Variants in GRB14 observed in about 807,000 individuals in gnomAD.
GRB14 encodes growth factor receptor-bound protein 14.
In GRB14, 38 loss-of-function variants were observed where a neutral mutation model predicts 69.1. The observed-to-expected ratio is 0.55, with a 90% CI of 0.42 to 0.72. GRB14 has a LOEUF of 0.72. Among genes scored for constraint, GRB14 ranks in the 30% least tolerant of loss-of-function variants. GRB14 has a pLI of 0.00. For missense variants in GRB14, 666 were observed against 666.1 expected (o/e 1.00, Z 0.00); for synonymous variants, 247 against 241.3 (o/e 1.02, Z -0.22).
intron 2 of GRB14, among the ~76,000 whole-genome samples, chr2:164,596,364 A>T (rs943084316): frequency 1.3e-5 from 2 of 152,206 alleles, no homozygotes; most frequent in African/African-American, 4.8e-5. Flanking sequence ...TTGTTCCTAA[A>T]ATATTTGTGC....
chr2:164,532,170 C>G (rs1687958355), intron 3 of GRB14, among the ~76,000 whole-genome samples: 2 of 152,158 alleles, frequency 1.3e-5, no homozygotes, highest in African/African-American at 4.8e-5. Context: ...TTCAACTGAA[C>G]ACATTTCAAA....
chr2:164,575,298 T>A (rs750545356), intron 2 of GRB14, among the ~76,000 whole-genome samples: 1 of 152,204 alleles, frequency 6.6e-6, no homozygotes, highest in Middle Eastern at 3.2e-3. Flanking sequence ...CTTGTTTTCA[T>A]AGGATCTTCT....
intron 2 of GRB14, among the ~76,000 whole-genome samples, chr2:164,550,339 C>T (rs888753800): frequency 6.6e-6 from 1 of 152,178 alleles, no homozygotes; most frequent in Non-Finnish European, 1.5e-5. Flanking sequence ...AGACGCCTAA[C>T]TATGAAAACC....
At chr2:164,601,542 T>C (rs1251946382) in intron 2 of GRB14, among the ~76,000 whole-genome samples, 2 of 152,142 alleles carry the variant, frequency 1.3e-5, no homozygotes, top group Non-Finnish European at 2.9e-5. Flanking sequence ...AATCTGAAAA[T>C]CTGGGTTCAA....
At position 164,497,483 on chromosome 2, in the gene GRB14, A is replaced by G. The variant is rs1474995613; in HGVS notation, c.1112T>C (p.Ile371Thr). Residue 371 changes from isoleucine to threonine, a missense_variant, in exon 10 of 14, where the codon ATA (isoleucine) becomes ACA (threonine). Physicochemically the swap from Ile to Thr is moderately conservative, Grantham distance 89. Coordinates refer to ENST00000263915, the MANE Select transcript of GRB14 (RefSeq NM_004490.3). Reference protein sequence around the residue: ...SSQSISPMRSISENSLVAMDF... With the variant: ...SSQSISPMRSTSENSLVAMDF... Reference sequence around the variant, plus strand: ...CATTGCTACCAGGGAATTCTCTGATATACTTCTCTGGAAAAAAGAAACACA... The same window carrying G: ...CATTGCTACCAGGGAATTCTCTGATGTACTTCTCTGGAAAAAAGAAACACA... The G allele has an allele frequency of 6.3e-7, 1 of 1,580,914 alleles. No homozygotes were observed. The highest frequency in any genetic ancestry group is 8.6e-7 in the Non-Finnish European group (1 of 1,157,986).
intron 2 of GRB14, among the ~76,000 whole-genome samples, chr2:164,617,940 C>G (rs1690339312): frequency 8.5e-6 from 1 of 118,134 alleles, no homozygotes; most frequent in East Asian, 2.5e-4. Context: ...GGCTCAAGGA[C>G]AAGCCAGAAT....
intron 3 of GRB14, among the ~76,000 whole-genome samples, chr2:164,540,918 G>A (rs977849283): frequency 4.6e-5 from 7 of 152,110 alleles, no homozygotes; most frequent in African/African-American, 1.7e-4. Context: ...GATTTTTGTG[G>A]AATCTGTAAA....
intron 3 of GRB14, among the ~76,000 whole-genome samples, chr2:164,540,132 C>G (rs1451356733): frequency 6.6e-6 from 1 of 152,194 alleles, no homozygotes; most frequent in Non-Finnish European, 1.5e-5. Context: ...TGACTCCACT[C>G]CAGGTGCAAT....
At chr2:164,506,483 T>C (rs1037721171) in intron 8 of GRB14, among the ~76,000 whole-genome samples, 6 of 152,126 alleles carry the variant, frequency 3.9e-5, no homozygotes, top group African/African-American at 1.4e-4. Context: ...TATGAAGAAA[T>C]TGGAACTCTC....
chr2:164,501,051 CATT>C (rs1189377351), intron 9 of GRB14, among the ~76,000 whole-genome samples: 2 of 151,922 alleles, frequency 1.3e-5, no homozygotes, highest in African/African-American at 2.4e-5. Flanking sequence ...TAATAAAATT[CATT>C]ATTATTTTTA....
chr2:164,503,185 AAAG>A (rs1687104705), intron 8 of GRB14, among the ~76,000 whole-genome samples: 1 of 150,878 alleles, frequency 6.6e-6, no homozygotes, highest in Non-Finnish European at 1.5e-5. Context: ...AAAAAAAAAA[AAAG>A]AAAAGAAAAA....
chr2:164,512,214 T>C (rs1687357557), intron 6 of GRB14, among the ~76,000 whole-genome samples: 2 of 152,214 alleles, frequency 1.3e-5, no homozygotes, highest in African/African-American at 4.8e-5. Flanking sequence ...TTGCCCAGGC[T>C]GGAGGGCAAT....
At chr2:164,526,123 T>G (rs570780366) in intron 4 of GRB14, among the ~76,000 whole-genome samples, 1 of 152,286 alleles carries the variant, frequency 6.6e-6, no homozygotes, top group South Asian at 2.1e-4. Flanking sequence ...TTATTATGAC[T>G]AATTTTCTTT....
chr2:164,493,501 A>AT (rs1686813405), intron 13 of GRB14, among the ~76,000 whole-genome samples: 1 of 152,324 alleles, frequency 6.6e-6, no homozygotes, highest in African/African-American at 2.4e-5. Context: ...GTAAATGAAG[A>AT]TTTTAATGCT....
Position 164,493,317 on chromosome 2 carries a change from G to A in GRB14, c.1477-135C>T, listed in dbSNP as rs557175502. The A allele has an allele frequency of 5.6e-5, 39 of 700,332 alleles. 1 individual carries two copies. Among genetic ancestry groups the A allele is most frequent in the South Asian group, 4.3e-4 (20 of 46,188 alleles). 43.4% of individuals were successfully genotyped at this position (700,332 alleles called of 1,614,324 possible). Reference sequence around the variant, plus strand: ...TAAAAGACAGTGAAAAGAATGTTACGGCATATCTACTTGTTTTTTTTAACA... The same window carrying A: ...TAAAAGACAGTGAAAAGAATGTTACAGCATATCTACTTGTTTTTTTTAACA... On this transcript the variant is annotated intron_variant, in intron 13 of 13. Transcript: ENST00000263915.
rs919574629 is a variant in GRB14 at position 164,621,378 on chromosome 2, G to A, written c.-69C>T. On this transcript the variant is annotated 5_prime_UTR_variant, in exon 1 of 14. Transcript: ENST00000263915. This position sits in a 1 kb window ranked among gnomAD's most constrained non-coding sequence, Gnocchi z 6.0. ...GTGGGGAGAAGGGGTTTGCGCGGCGGGAGGCGAGGTGCCGGCTAGGCAGCC... is the reference window on the plus strand; with the variant it reads ...GTGGGGAGAAGGGGTTTGCGCGGCGAGAGGCGAGGTGCCGGCTAGGCAGCC... 110 of 1,207,100 alleles carry A rather than the reference G, an allele frequency of 9.1e-5. No homozygotes were observed. Among genetic ancestry groups the A allele is most frequent in the Non-Finnish European group, 1.1e-4 (105 of 961,474 alleles). 74.8% of individuals were successfully genotyped at this position (1,207,100 alleles called of 1,614,324 possible).
chr2:164,532,898 T>C (rs1011060458), intron 3 of GRB14, among the ~76,000 whole-genome samples: 9 of 152,168 alleles, frequency 5.9e-5, no homozygotes, highest in Admixed American at 3.3e-4. Context: ...CTCTGCCCTC[T>C]GGGAAACGAG....
At chr2:164,557,594 G>A (rs1170713423) in intron 2 of GRB14, among the ~76,000 whole-genome samples, 1 of 152,162 alleles carries the variant, frequency 6.6e-6, no homozygotes, top group South Asian at 2.1e-4. Context: ...GATTGAGGTT[G>A]ACTTCCTTCT....
intron 2 of GRB14, among the ~76,000 whole-genome samples, chr2:164,580,562 G>T (rs1035382700): frequency 3.3e-5 from 5 of 151,992 alleles, no homozygotes; most frequent in Non-Finnish European, 7.4e-5. Flanking sequence ...AAATTAGCCA[G>T]GTGTGGTGGT....
Sources: allele counts gnomAD v4.1 joint callset (sites outside exome capture counted in the v4.1 genomes callset), GRCh38; gene constraint gnomAD v4.1.1; non-coding constraint Gnocchi (gnomAD v3.1); transcripts MANE v1.5; gene names NCBI Gene and HGNC (gene_info 2026-07-23, HGNC 2026-07-21).